Variants in OSBPL3 observed in about 807,000 individuals in gnomAD.
OSBPL3 encodes oxysterol binding protein like 3.
OSBPL3 carries 65 observed loss-of-function variants against 120.1 expected under a neutral mutation model. The observed-to-expected ratio is 0.54, with a 90% CI of 0.44 to 0.67. OSBPL3 has a LOEUF of 0.67. Among genes scored for constraint, OSBPL3 ranks in the 30% least tolerant of loss-of-function variants. The pLI is 0.00. For missense variants in OSBPL3, 1,004 were observed against 1,082.1 expected (o/e 0.93, Z 1.01); for synonymous variants, 416 against 402.6 (o/e 1.03, Z -0.40).
Position 24,918,041 on chromosome 7 carries a change from T to G in OSBPL3, c.-149-25420A>C, listed in dbSNP as rs1405880194. ...TATGAGTCCATAAAATGACTAGCAC[T>G]CTTACCTATAAAGGTTGGCTTATCC... On this transcript the variant is annotated intron_variant, in intron 1 of 22. Transcript: ENST00000313367. The surrounding 1 kb of genome is among the most constrained non-coding windows in gnomAD (Gnocchi z 4.3). 2.0e-6 allele frequency: 2 copies of G among 980,682 alleles called. No individual in the cohort carries two copies. The highest frequency in any genetic ancestry group is 3.5e-5 in the African/African-American group (2 of 57,132). 60.7% of individuals were successfully genotyped at this position (980,682 alleles called of 1,614,324 possible).
At position 24,796,540 on chromosome 7, in the gene OSBPL3, T is replaced by C. The variant is rs1791740505; in HGVS notation, c.*3643A>G. 6.6e-6 allele frequency: 1 copy of C among 152,132 alleles called. No individual in the cohort carries two copies. Among genetic ancestry groups the C allele is most frequent in the Admixed American group, 6.5e-5 (1 of 15,270 alleles). 9.4% of individuals were successfully genotyped at this position (152,132 alleles called of 1,614,324 possible). On this transcript the variant is annotated 3_prime_UTR_variant, in exon 23 of 23. Transcript: ENST00000313367. The surrounding 1 kb of genome is among the most constrained non-coding windows in gnomAD (Gnocchi z 5.2). ...TGGAAAAACAAAGACAAAAGTGGCC[T>C]TTTTTTCCATGTTATTTATTCACAT...
chr7:24,852,715 A>G lies in OSBPL3; in HGVS notation c.1028-81T>C. On this transcript the variant is annotated intron_variant, in intron 10 of 22. Transcript: ENST00000313367. This position sits in a 1 kb window ranked among gnomAD's most constrained non-coding sequence, Gnocchi z 4.1. ...TACAGAAAAAAACATATCTCTTATA[A>G]AAGAAACAAGCAAAGTAACAGCCCT... 1.0e-6 allele frequency: 1 copy of G among 960,686 alleles called. No homozygotes were observed. Among genetic ancestry groups the G allele is most frequent in the Non-Finnish European group, 1.5e-6 (1 of 678,800 alleles). The allele number at this position is 960,686 out of a possible 1,614,324, so 59.5% of individuals were successfully genotyped here. A position where few individuals can be genotyped will look rare whatever the true frequency, so the allele number is the denominator to read the frequency against.
chr7:24,927,667 G>A (rs1190425596), intron 1 of OSBPL3, among the ~76,000 whole-genome samples: 3 of 152,128 alleles, frequency 2.0e-5, no homozygotes, highest in African/African-American at 7.2e-5. Context: ...TTATGTCTGT[G>A]TTCTGAGACA....
intron 1 of OSBPL3, among the ~76,000 whole-genome samples, chr7:24,976,378 G>A (rs1365667288): frequency 1.3e-5 from 2 of 152,096 alleles, no homozygotes; most frequent in Non-Finnish European, 2.9e-5. Context: ...CAGAGACAGA[G>A]GTAGGAAAAC....
chr7:24,817,894 GGTAC>G lies in OSBPL3; in HGVS notation c.1949-1210_1949-1207del, dbSNP rs1794664139. ...ATTTCTCTAACTTGCAATGAATGGT[GGTAC>G]CAACAGAGAAGCCAGGAAATAGAAA... On this transcript the variant is annotated intron_variant, in intron 17 of 22. Transcript: ENST00000313367. The surrounding 1 kb of genome is among the most constrained non-coding windows in gnomAD (Gnocchi z 4.0). Among the ~76,000 whole-genome samples the G allele has an allele frequency of 6.6e-6, 1 of 152,166 alleles. No individual in the cohort carries two copies. The highest frequency in any genetic ancestry group is 2.1e-4 in the South Asian group (1 of 4,830).
rs562274148 is a variant in OSBPL3, at chr7:24,940,455, C to T, written c.-150+39431G>A. 9.7e-4 allele frequency among the ~76,000 whole-genome samples: 148 copies of T among 152,116 alleles called. No homozygotes were observed. Among genetic ancestry groups the T allele is most frequent in the South Asian group, 1.9e-3 (9 of 4,814 alleles). On this transcript the variant is annotated intron_variant, in intron 1 of 22. Transcript: ENST00000313367. The surrounding 1 kb of genome is among the most constrained non-coding windows in gnomAD (Gnocchi z 4.4). ...AGTAAAGAGTGTGGAAGAGTAAAGA[C>T]CAGACAGGCTGAACAGGGTGCAGAT...
At chr7:24,823,512 G>GC (rs1005702904) in intron 16 of OSBPL3, among the ~76,000 whole-genome samples, 1 of 152,096 alleles carries the variant, frequency 6.6e-6, no homozygotes, top group Non-Finnish European at 1.5e-5. Flanking sequence ...GATAAAGGTA[G>GC]CACTCCAAAC....
In OSBPL3 at chr7:24,802,979, A is replaced by G. The variant is rs768421893; in HGVS notation, c.2567+1336T>C. Among the ~76,000 whole-genome samples the G allele has an allele frequency of 9.8e-5, 15 of 152,332 alleles. No individual in the cohort carries two copies. The highest frequency in any genetic ancestry group is 1.6e-4 in the Non-Finnish European group (11 of 68,030). ...TTGGCCAGTTGATTTTCCATCACTA[A>G]TATCTTGAATTTGTGGAAATGATCA... On this transcript the variant is annotated intron_variant, in intron 22 of 22. Coordinates refer to ENST00000313367, the MANE Select transcript of OSBPL3 (RefSeq NM_015550.4). This position sits in a 1 kb window ranked among gnomAD's most constrained non-coding sequence, Gnocchi z 4.1.
intron 1 of OSBPL3, among the ~76,000 whole-genome samples, chr7:24,908,587 C>A (rs113519986): frequency 6.6e-6 from 1 of 152,146 alleles, no homozygotes; most frequent in African/African-American, 2.4e-5. Flanking sequence ...ATTCTAGTCA[C>A]GAGAACCACG....
At position 24,946,937 on chromosome 7, in the gene OSBPL3, G is replaced by T. The variant is rs1813802175; in HGVS notation, c.-150+32949C>A. Among the ~76,000 whole-genome samples the T allele has an allele frequency of 6.6e-6, 1 of 152,130 alleles. No homozygotes were observed. The highest frequency in any genetic ancestry group is 2.4e-5 in the African/African-American group (1 of 41,408). On this transcript the variant is annotated intron_variant, in intron 1 of 22. Coordinates refer to ENST00000313367, the MANE Select transcript of OSBPL3 (RefSeq NM_015550.4). The surrounding 1 kb of genome is among the most constrained non-coding windows in gnomAD (Gnocchi z 4.3). ...AACACTCATCAGGAATCCAATAAAGGTTTGCTGTTTGGCTTGTGCTCAAAA... is the reference window on the plus strand; with the variant it reads ...AACACTCATCAGGAATCCAATAAAGTTTTGCTGTTTGGCTTGTGCTCAAAA...
rs1314070991 is a variant in OSBPL3 at position 24,804,154 on chromosome 7, G to A, written c.2567+161C>T. On this transcript the variant is annotated intron_variant, in intron 22 of 22. Transcript: ENST00000313367. The surrounding 1 kb of genome is among the most constrained non-coding windows in gnomAD (Gnocchi z 5.4). ...GGGAGAGCCTGAAGGTAAGTGCGGG[G>A]GACAGGGCCTGGCACAGAGGAGCAG... is the stretch of plus-strand genomic sequence containing the variant. Among the ~76,000 whole-genome samples, 1 of 152,128 alleles carries A rather than the reference G, an allele frequency of 6.6e-6. No individual in the cohort carries two copies. Among genetic ancestry groups the A allele is most frequent in the Non-Finnish European group, 1.5e-5 (1 of 68,018 alleles).
intron 1 of OSBPL3, among the ~76,000 whole-genome samples, chr7:24,976,925 T>C (rs559085476): frequency 2.7e-4 from 41 of 152,308 alleles, no homozygotes; most frequent in Non-Finnish European, 4.7e-4. Flanking sequence ...TGTTTTGCCA[T>C]GAGCCCCTTA....
In OSBPL3 at chr7:24,872,448, A is replaced by AGT. The variant is rs371127031; in HGVS notation, c.97-381_97-380dup. ...TCAGTCTGAATTTTAACCGAAAGAG[A>AGT]GTGTGTGTGTGTGTGTGTGTGTGTG... On this transcript the variant is annotated intron_variant, in intron 2 of 22. Transcript: ENST00000313367. The surrounding 1 kb of genome is among the most constrained non-coding windows in gnomAD (Gnocchi z 4.1). Among the ~76,000 whole-genome samples the AGT allele has an allele frequency of 0.043, 6,183 of 144,836 alleles. 144 individuals carry two copies. The highest frequency in any genetic ancestry group is 0.059 in the Middle Eastern group (17 of 290).
At position 24,852,639 on chromosome 7, in the gene OSBPL3, A is replaced by G; in HGVS notation, c.1028-5T>C. On this transcript the variant is annotated splice_polypyrimidine_tract_variant and splice_region_variant and intron_variant, in intron 10 of 22. Transcript: ENST00000313367. This position sits in a 1 kb window ranked among gnomAD's most constrained non-coding sequence, Gnocchi z 4.1. ...CTGACCTTAAAGTGAAGTAAACTAT[A>G]GAGATAGAATCATTATAAAAAGGAA... is the stretch of plus-strand genomic sequence containing the variant. The G allele has an allele frequency of 6.4e-7, 1 of 1,559,350 alleles. No homozygotes were observed. Among genetic ancestry groups the G allele is most frequent in the Non-Finnish European group, 8.7e-7 (1 of 1,154,672 alleles).
At chr7:24,969,104 A>G (rs1165055471) in intron 1 of OSBPL3, among the ~76,000 whole-genome samples, 1 of 152,208 alleles carries the variant, frequency 6.6e-6, no homozygotes, top group Non-Finnish European at 1.5e-5. Context: ...ACCGATTTAC[A>G]TTTCCATCCA....
In OSBPL3 at chr7:24,845,656, T is replaced by TAA. The variant is rs199729370; in HGVS notation, c.1267-3245_1267-3244dup. ...TGTTTTGACACACATCACTTTTTCC[T>TAA]AAAAAAAAAAAAAAAATAGATCTAA... On this transcript the variant is annotated intron_variant, in intron 12 of 22. Coordinates refer to ENST00000313367, the MANE Select transcript of OSBPL3 (RefSeq NM_015550.4). 1.1e-3 allele frequency among the ~76,000 whole-genome samples: 151 copies of TAA among 137,240 alleles called. No homozygotes were observed. The East Asian group carries it at 0.014, about 13-fold the overall frequency. The allele number at this position is 137,240 out of a possible 152,430, so 90.0% of individuals were successfully genotyped here.
intron 14 of OSBPL3, among the ~76,000 whole-genome samples, chr7:24,837,911 C>T (rs1186438942): frequency 6.6e-6 from 1 of 152,120 alleles, no homozygotes; most frequent in Non-Finnish European, 1.5e-5. Context: ...CTAATATGTG[C>T]CCAGCAACAC....
chr7:24,976,518 T>C (rs1247863411), intron 1 of OSBPL3, among the ~76,000 whole-genome samples: 1 of 146,910 alleles, frequency 6.8e-6, no homozygotes, highest in Admixed American at 6.9e-5. Context: ...CTGAAGGTGA[T>C]CTGAACAGTA....
Position 24,881,556 on chromosome 7 carries a change from T to G in OSBPL3, c.97-9487A>C, listed in dbSNP as rs566413151. 6.6e-6 allele frequency among the ~76,000 whole-genome samples: 1 copy of G among 152,270 alleles called. No homozygotes were observed. The highest frequency in any genetic ancestry group is 6.5e-5 in the Admixed American group (1 of 15,298). ...GGTTGAAAATTTGTAAATTGTCAAA[T>G]GGGAGATTCACACAAACCTGCTGCA... On this transcript the variant is annotated intron_variant, in intron 2 of 22. Coordinates refer to ENST00000313367, the MANE Select transcript of OSBPL3 (RefSeq NM_015550.4). The surrounding 1 kb of genome is among the most constrained non-coding windows in gnomAD (Gnocchi z 4.3).
Sources: gnomAD v4.1 joint callset for allele counts (sites outside exome capture counted in the v4.1 genomes callset) on GRCh38, gnomAD v4.1.1 for gene constraint, Gnocchi (gnomAD v3.1) non-coding constraint, MANE v1.5 for transcripts, NCBI Gene and HGNC (gene_info 2026-07-23, HGNC 2026-07-21) for gene names.